Variants in TMEM132B observed in about 807,000 individuals in gnomAD.
TMEM132B encodes the protein transmembrane protein 132B.
Under a neutral mutation model 90.8 loss-of-function variants are expected in TMEM132B, and 18 were observed. The observed-to-expected ratio is 0.20, with a 90% CI of 0.14 to 0.29. The LOEUF (loss-of-function observed/expected upper bound fraction) is 0.29. Ranked by LOEUF, TMEM132B falls within the 10% of genes least tolerant of loss-of-function variation. The pLI, the probability that TMEM132B is intolerant of heterozygous loss-of-function variation, is 1.00. For synonymous variants in TMEM132B, 504 were observed against 523.3 expected, an observed-to-expected ratio of 0.96 and a Z score of 0.50; for missense variants, 1,096 against 1,326.8, an observed-to-expected ratio of 0.83 and a Z score of 2.70.
At chr12:125,469,547 G>A (rs56133656) in intron 3 of TMEM132B, among the ~76,000 whole-genome samples, 9,397 of 152,198 alleles carry the variant, frequency 0.062, 871 homozygotes, top group African/African-American at 0.2. Flanking sequence ...CTTTGATGAT[G>A]AGGCCAGTGA....
rs565800543 is a variant in TMEM132B, at chr12:125,434,712, G to A, written c.1106+19035G>A. Among the ~76,000 whole-genome samples, 301 of 152,340 alleles carry A rather than the reference G, an allele frequency of 2.0e-3. 2 individuals are homozygous for A. The highest frequency in any genetic ancestry group is 6.9e-3 in the African/African-American group (287 of 41,566). ...TTGCCCTTTCAGCCTAGAGGTGGTCGCGACTTCTTGCTGTTCTAATCTCTG... is the reference window on the plus strand; with the variant it reads ...TTGCCCTTTCAGCCTAGAGGTGGTCACGACTTCTTGCTGTTCTAATCTCTG... On this transcript the variant is annotated intron_variant, in intron 3 of 8. Coordinates refer to ENST00000682704, the MANE Select transcript of TMEM132B (RefSeq NM_001366854.1).
At chr12:125,205,974 A>G (rs1232657162) in intron 1 of TMEM132B, among the ~76,000 whole-genome samples, 2 of 152,168 alleles carry the variant, frequency 1.3e-5, no homozygotes, top group East Asian at 3.9e-4. Flanking sequence ...AAATGCCTCT[A>G]ACCCTCCTGA....
intron 5 of TMEM132B, among the ~76,000 whole-genome samples, chr12:125,594,976 A>G (rs1460584728): frequency 6.6e-6 from 1 of 152,180 alleles, no homozygotes; most frequent in Non-Finnish European, 1.5e-5. Flanking sequence ...GTCAGCTAGA[A>G]GAATGAATGG....
chr12:125,384,246 ACT>A lies in TMEM132B; in HGVS notation c.960-31280_960-31279del, dbSNP rs1878765884. Among the ~76,000 whole-genome samples, 2 of 151,666 alleles carry A rather than the reference ACT, an allele frequency of 1.3e-5. 1 individual carries two copies. Among genetic ancestry groups the A allele is most frequent in the African/African-American group, 4.8e-5 (2 of 41,258 alleles). ...GCGTGAGCCATCACGCCCGGCTGAA[ACT>A]CTCTGTATTTCTTTTATTCAATATT... is the stretch of plus-strand genomic sequence containing the variant. On this transcript the variant is annotated intron_variant, in intron 2 of 8. Transcript: ENST00000682704.
Position 125,498,595 on chromosome 12 carries a change from C to G in TMEM132B, c.1107-20844C>G, listed in dbSNP as rs555033030. On this transcript the variant is annotated intron_variant, in intron 3 of 8. Transcript: ENST00000682704. This position sits in a 1 kb window ranked among gnomAD's most constrained non-coding sequence, Gnocchi z 4.5. ...TGTTTTATAAACCAGCCAGGCTGGT[C>G]CCCTGGTGGAGGGACTCAGAAAACA... is the stretch of plus-strand genomic sequence containing the variant. Among the ~76,000 whole-genome samples, 22 of 152,300 alleles carry G rather than the reference C, an allele frequency of 1.4e-4. No individual in the cohort carries two copies. In the South Asian group the frequency reaches 4.4e-3, roughly 30 times the overall value.
chr12:125,645,656 A>G (rs1285580835), intron 6 of TMEM132B, among the ~76,000 whole-genome samples: 3 of 152,224 alleles, frequency 2.0e-5, no homozygotes, highest in African/African-American at 4.8e-5. Context: ...GCACTTCCAG[A>G]TAAGAGACCA....
chr12:125,641,561 T>G (rs1055747117), intron 5 of TMEM132B, among the ~76,000 whole-genome samples: 1 of 152,216 alleles, frequency 6.6e-6, no homozygotes, highest in Non-Finnish European at 1.5e-5. Context: ...ACTCAAAAGA[T>G]AGTCAACATA....
At chr12:125,377,530 C>T (rs528265268) in intron 2 of TMEM132B, among the ~76,000 whole-genome samples, 2 of 152,196 alleles carry the variant, frequency 1.3e-5, no homozygotes, top group East Asian at 3.9e-4. Flanking sequence ...GTAATGATGT[C>T]CCCTACTTGA....
intron 8 of TMEM132B, 53 bp downstream of exon 8, chr12:125,652,685 C>T (rs369870537): frequency 1.3e-6 from 2 of 1,549,012 alleles, no homozygotes; most frequent in African/African-American, 1.4e-5. Context: ...ACTTCTCTCT[C>T]AGTTAGCACA....
intron 1 of TMEM132B, among the ~76,000 whole-genome samples, chr12:125,317,624 TCC>T (rs1346181834): frequency 2.9e-4 from 44 of 152,008 alleles, no homozygotes; most frequent in African/African-American, 1.1e-3. Context: ...TCTATCCTCC[TCC>T]GTCATCAGCT....
At chr12:125,454,633 T>C (rs1019732751) in intron 3 of TMEM132B, among the ~76,000 whole-genome samples, 6 of 152,234 alleles carry the variant, frequency 3.9e-5, no homozygotes, top group Admixed American at 3.9e-4. Flanking sequence ...ATCTGCTTAT[T>C]TATCTCTTAG....
chr12:125,590,789 G>C (rs934681322), intron 5 of TMEM132B, among the ~76,000 whole-genome samples: 1 of 152,164 alleles, frequency 6.6e-6, no homozygotes, highest in Non-Finnish European at 1.5e-5. Flanking sequence ...TAGAAGTGTT[G>C]ACCCATTGCA....
Position 125,490,890 on chromosome 12 carries a change from T to C in TMEM132B, c.1107-28549T>C, listed in dbSNP as rs1882334234. 6.6e-6 allele frequency among the ~76,000 whole-genome samples: 1 copy of C among 152,222 alleles called. No homozygotes were observed. The highest frequency in any genetic ancestry group is 2.4e-5 in the African/African-American group (1 of 41,460). On this transcript the variant is annotated intron_variant, in intron 3 of 8. Transcript: ENST00000682704. This position sits in a 1 kb window ranked among gnomAD's most constrained non-coding sequence, Gnocchi z 4.2. ...AAGCATTGCACTTTCTTCCTTGCTG[T>C]TTCTTGGATCATTCATTCTGGAGGA...
Position 125,364,585 on chromosome 12 carries a change from CA to C in TMEM132B, c.959+14244del, listed in dbSNP as rs1378259640. On this transcript the variant is annotated intron_variant, in intron 2 of 8. Transcript: ENST00000682704. ...CTGGAATTACATTGACTATAGAGATCAATTTATGGAGAATTACCATTGTAAC... is the reference window on the plus strand; with the variant it reads ...CTGGAATTACATTGACTATAGAGATCATTTATGGAGAATTACCATTGTAAC... 2.0e-5 allele frequency among the ~76,000 whole-genome samples: 3 copies of C among 152,076 alleles called. No individual in the cohort carries two copies. The East Asian group carries it at 5.8e-4, about 29-fold the overall frequency.
intron 1 of TMEM132B, among the ~76,000 whole-genome samples, chr12:125,287,152 G>A (rs747816251): frequency 1.3e-5 from 2 of 151,196 alleles, no homozygotes; most frequent in Non-Finnish European, 2.9e-5. Context: ...TTATCTCCCC[G>A]GCCTTGCCCC....
chr12:125,265,180 G>A (rs891723401), intron 1 of TMEM132B, among the ~76,000 whole-genome samples: 1 of 152,116 alleles, frequency 6.6e-6, no homozygotes, highest in African/African-American at 2.4e-5. Flanking sequence ...GTCTGTTGTC[G>A]ACAGAAATGT....
intron 2 of TMEM132B, among the ~76,000 whole-genome samples, chr12:125,386,403 G>A (rs1878835296): frequency 6.6e-6 from 1 of 152,252 alleles, no homozygotes; most frequent in African/African-American, 2.4e-5. Flanking sequence ...TGGTCTAGAT[G>A]TGGGTCCACA....
At chr12:125,465,827 G>C (rs1017831452) in intron 3 of TMEM132B, among the ~76,000 whole-genome samples, 3 of 152,138 alleles carry the variant, frequency 2.0e-5, no homozygotes, top group Non-Finnish European at 2.9e-5. Flanking sequence ...AGTTACATGA[G>C]ATTTGGTTGT....
At chr12:125,505,090 C>T (rs551075686) in intron 3 of TMEM132B, among the ~76,000 whole-genome samples, 5 of 145,286 alleles carry the variant, frequency 3.4e-5, no homozygotes, top group African/African-American at 1.0e-4. Flanking sequence ...ATGCATTGTT[C>T]CACAGTGTCC....
Sources: gnomAD v4.1 joint callset for allele counts (sites outside exome capture counted in the v4.1 genomes callset) on GRCh38, gnomAD v4.1.1 for gene constraint, Gnocchi (gnomAD v3.1) non-coding constraint, MANE v1.5 for transcripts, NCBI Gene and HGNC (gene_info 2026-07-23, HGNC 2026-07-21) for gene names.